Variants in TMEM175 observed in about 807,000 individuals in gnomAD.
TMEM175 encodes the protein transmembrane protein 175.
In TMEM175, 36 loss-of-function variants were observed where a neutral mutation model predicts 36.5. The observed-to-expected ratio is 0.99, with a 90% CI of 0.76 to 1.30. The LOEUF (loss-of-function observed/expected upper bound fraction) is 1.30, where lower values mean the gene tolerates loss of function less well. Among genes scored for constraint, TMEM175 ranks in the 50% most tolerant of loss-of-function variants. The pLI is 0.00. For missense variants in TMEM175, 705 were observed against 692.8 expected, an observed-to-expected ratio of 1.02 and a Z score of -0.20; for synonymous variants, 339 against 313.4, an observed-to-expected ratio of 1.08 and a Z score of -0.86.
intron 10 of TMEM175, among the ~76,000 whole-genome samples, chr4:957,391 G>A (rs1051613): frequency 0.53 from 80,735 of 152,110 alleles, 21,971 homozygotes; most frequent in African/African-American, 0.6. Context: ...TCTGAGAACC[G>A]TGGAGGCAAG....
intron 8 of TMEM175, among the ~76,000 whole-genome samples, chr4:954,667 C>G (rs772820488): frequency 6.6e-6 from 1 of 152,214 alleles, no homozygotes; most frequent in African/African-American, 2.4e-5. Flanking sequence ...CAGTGAGTTT[C>G]TGGGTCATTT....
intron 3 of TMEM175, among the ~76,000 whole-genome samples, chr4:949,059 C>T (rs1047252152): frequency 1.3e-5 from 2 of 152,132 alleles, no homozygotes; most frequent in Admixed American, 6.5e-5. Context: ...CCCGCCCTCC[C>T]TAGGGGGGCA....
intron 1 of TMEM175, among the ~76,000 whole-genome samples, chr4:943,479 G>A (rs965856955): frequency 3.3e-5 from 5 of 151,976 alleles, no homozygotes; most frequent in Admixed American, 6.6e-5. Context: ...CTCGAACTCC[G>A]GACCTCAAGT....
At chr4:951,645 G>C in intron 5 of TMEM175, 37 bp from the exon 6 acceptor site, 2 of 1,613,870 alleles carry the variant, frequency 1.2e-6, no homozygotes, top group Non-Finnish European at 1.7e-6. Flanking sequence ...CTTCTCCCCA[G>C]GCCGCATCAT....
At chr4:953,093 A>T in intron 7 of TMEM175, 97 bp from the exon 8 acceptor site, 1 of 1,319,972 alleles carries the variant, frequency 7.6e-7, no homozygotes. Context: ...CCACCTCGAG[A>T]CCCTTGCGTG....
At chr4:950,044 C>T (rs1004257205) in intron 3 of TMEM175, among the ~76,000 whole-genome samples, 2 of 152,098 alleles carry the variant, frequency 1.3e-5, no homozygotes, top group South Asian at 4.1e-4. Flanking sequence ...GGGTACCATC[C>T]CTGAGGCGGA....
intron 1 of TMEM175, among the ~76,000 whole-genome samples, chr4:941,656 G>A (rs1357102978): frequency 6.6e-6 from 1 of 151,960 alleles, no homozygotes; most frequent in Non-Finnish European, 1.5e-5. Flanking sequence ...GGCTGGTCTT[G>A]AACTCCTGAC....
At position 940,448 on chromosome 4, in the gene TMEM175, C is replaced by CAA. The variant is rs397879918; in HGVS notation, c.-31-7242_-31-7241dup. On this transcript the variant is annotated intron_variant, in intron 1 of 10. Transcript: ENST00000264771. ...GGGCAGCAAGAGTGAAACTCGATCTCAAAAAAAAAAAAAAAAAAAAGCAGT... is the reference window on the plus strand; with the variant it reads ...GGGCAGCAAGAGTGAAACTCGATCTCAAAAAAAAAAAAAAAAAAAAAAGCAGT... 5.9e-3 allele frequency among the ~76,000 whole-genome samples: 540 copies of CAA among 90,876 alleles called. 11 individuals are homozygous for CAA. Among genetic ancestry groups the CAA allele is most frequent in the South Asian group, 0.012 (31 of 2,526 alleles). 59.6% of individuals were successfully genotyped at this position (90,876 alleles called of 152,430 possible). A position where few individuals can be genotyped will look rare whatever the true frequency, so the allele number is the denominator to read the frequency against.
chr4:948,491 T>A, intron 3 of TMEM175: 2 of 1,425,202 alleles, frequency 1.4e-6, no homozygotes, highest in Non-Finnish European at 1.9e-6. Context: ...AGGACAGAAG[T>A]TTCCTCTGCG....
rs1408730902 is a variant in TMEM175, at chr4:950,870, GTAGGTGGAGGTGTGGATGGTGCAA to G, written c.291-315_291-292del. Among the ~76,000 whole-genome samples, 20 of 151,408 alleles carry G rather than the reference GTAGGTGGAGGTGTGGATGGTGCAA, an allele frequency of 1.3e-4. No individual in the cohort carries two copies. The East Asian group carries it at 1.9e-3, about 15-fold the overall frequency. On this transcript the variant is annotated intron_variant, in intron 4 of 10. Coordinates refer to ENST00000264771, the MANE Select transcript of TMEM175 (RefSeq NM_032326.4). ...AGTAGGCGGAGGTGTGGACGGTGCA[GTAGGTGGAGGTGTGGATGGTGCAA>G]TAGGTGGAGGTGTGGATGGTGTGGA...
At position 958,318 on chromosome 4, in the gene TMEM175, G is replaced by A. The variant is rs1269232650; in HGVS notation, c.1337G>A (p.Gly446Asp). 2.5e-6 allele frequency: 4 copies of A among 1,605,456 alleles called. No homozygotes were observed. Among genetic ancestry groups the A allele is most frequent in the Admixed American group, 1.7e-5 (1 of 60,028 alleles). The change falls in exon 11 of 11, where the codon GGC (glycine) becomes GAC (aspartate). Residue 446 changes from glycine to aspartate, a missense_variant. Gly to Asp is a moderately conservative substitution (Grantham distance 94). Coordinates refer to ENST00000264771, the MANE Select transcript of TMEM175 (RefSeq NM_032326.4). ...TGCCTGCTGAGCAGGTTCAGTGTGG[G>A]CATCTTCCACCTCATGCAGATCGCC... ...STCLLSRFSV[G>D]IFHLMQIAVP...
rs970639477 is a variant in TMEM175, at chr4:935,254, A to G, written c.-32+2714A>G. Among the ~76,000 whole-genome samples, 3 of 152,228 alleles carry G rather than the reference A, an allele frequency of 2.0e-5. 1 individual carries two copies. Among genetic ancestry groups the G allele is most frequent in the Non-Finnish European group, 4.4e-5 (3 of 68,038 alleles). ...ATTTATTGGCATTGAAGTAGATGCT[A>G]TAGTAACACCATCTTAACCCAAATA... On this transcript the variant is annotated intron_variant, in intron 1 of 10. Coordinates refer to ENST00000264771, the MANE Select transcript of TMEM175 (RefSeq NM_032326.4).
chr4:941,897 A>AT (rs1204994322), intron 1 of TMEM175, among the ~76,000 whole-genome samples: 1 of 152,078 alleles, frequency 6.6e-6, no homozygotes, highest in African/African-American at 2.4e-5. Flanking sequence ...TTATAAAAAA[A>AT]GAAAAAAAAA....
At chr4:951,387 C>T in intron 5 of TMEM175, 129 bp downstream of exon 5, 1 of 1,066,318 alleles carries the variant, frequency 9.4e-7, no homozygotes, top group Admixed American at 2.0e-5. Flanking sequence ...AATCTGTCCA[C>T]AGCTGGGAGC....
intron 1 of TMEM175, among the ~76,000 whole-genome samples, chr4:945,324 C>A (rs548311346): frequency 6.6e-6 from 1 of 152,080 alleles, no homozygotes; most frequent in Non-Finnish European, 1.5e-5. Context: ...CACTCCCCGC[C>A]GTTTGTTGCT....
intron 1 of TMEM175, among the ~76,000 whole-genome samples, chr4:945,506 G>A (rs1221670417): frequency 3.9e-5 from 6 of 152,068 alleles, no homozygotes; most frequent in African/African-American, 9.7e-5. Context: ...GCACCTCCCC[G>A]ATCTCCCTGA....
intron 3 of TMEM175, chr4:948,556 C>T (rs531782290): frequency 4.4e-5 from 59 of 1,337,508 alleles, no homozygotes; most frequent in East Asian, 2.7e-4. Flanking sequence ...TGAGTAAACG[C>T]GGCCAGCGCC....
Position 955,476 on chromosome 4 carries a change from G to A in TMEM175, c.699G>A (p.Arg233=), listed in dbSNP as rs1403699583. Reference sequence around the variant, plus strand: ...AGGTCACCGGCTGGTGCAGAGACAGGCTCCTGGGTAGGTGATGACTGGGTG... The same window carrying A: ...AGGTCACCGGCTGGTGCAGAGACAGACTCCTGGGTAGGTGATGACTGGGTG... ...VSKVTGWCRD[R]LLGHREPSAH... is the part of the protein sequence containing the mutation. The change falls in exon 9 of 11, where the codon AGG becomes AGA. Residue 233 remains arginine, a synonymous_variant. Coordinates refer to ENST00000264771, the MANE Select transcript of TMEM175 (RefSeq NM_032326.4). The A allele has an allele frequency of 1.2e-6, 2 of 1,613,896 alleles. No individual in the cohort carries two copies. The highest frequency in any genetic ancestry group is 2.2e-5 in the East Asian group (1 of 44,888).
chr4:936,563 C>T (rs754614448), intron 1 of TMEM175, among the ~76,000 whole-genome samples: 3 of 152,150 alleles, frequency 2.0e-5, no homozygotes, highest in Non-Finnish European at 4.4e-5. Context: ...AAAGGATAAT[C>T]GGGGACTATT....
Sources: allele counts gnomAD v4.1 joint callset (sites outside exome capture counted in the v4.1 genomes callset), GRCh38; gene constraint gnomAD v4.1.1; transcripts MANE v1.5; gene names NCBI Gene and HGNC (gene_info 2026-07-23, HGNC 2026-07-21).